ROBO2: variants seen among roughly 807,000 people sequenced by gnomAD.
ROBO2 encodes roundabout homolog 2.
A neutral mutation model predicts 160.8 loss-of-function variants in ROBO2; 53 were observed. The ratio of observed to expected loss-of-function variants is 0.33; its 90% CI spans 0.26 to 0.41. The LOEUF is 0.41. Ranked by LOEUF, ROBO2 falls within the 10% of genes least tolerant of loss-of-function variation. The pLI is 1.00. For synonymous variants in ROBO2, 664 were observed against 611.7 expected (o/e 1.09, Z -1.26); for missense variants, 1,577 against 1,722.4 (o/e 0.92, Z 1.49).
At chr3:77,317,329 C>T in intron 2 of ROBO2, 1 of 771,322 alleles carries the variant, frequency 1.3e-6, no homozygotes. Flanking sequence ...AGCCTCAGGC[C>T]ACGTGCAAGC....
chr3:76,633,194 T>A (rs891076536), intron 2 of ROBO2, among the ~76,000 whole-genome samples: 1 of 152,166 alleles, frequency 6.6e-6, no homozygotes, highest in Non-Finnish European at 1.5e-5. Context: ...ATATCAAAAT[T>A]TAAAAGAAAG....
intron 2 of ROBO2, among the ~76,000 whole-genome samples, chr3:77,020,266 C>T (rs1022051050): frequency 6.6e-6 from 1 of 152,138 alleles, no homozygotes; most frequent in Non-Finnish European, 1.5e-5. Context: ...GCAGTAAAAA[C>T]TCAGCACTGA....
At chr3:77,201,882 T>C (rs2082945059) in intron 2 of ROBO2, among the ~76,000 whole-genome samples, 1 of 152,206 alleles carries the variant, frequency 6.6e-6, no homozygotes, top group South Asian at 2.1e-4. Context: ...CTAAATATTG[T>C]TTATCTTTAG....
rs1377854643 is a variant in ROBO2, at chr3:76,119,916, C to CCCTCCCTCCCTT, written c.109+182317_109+182318insCCCTCCCTTCCT. ...CCTTCCTTCCCTTCCTTCCCTCCCTCCCTTCCTTCCTTCCTTCCTTCCTTC... is the reference window on the plus strand; with the variant it reads ...CCTTCCTTCCCTTCCTTCCCTCCCTCCCTCCCTCCCTTCCTTCCTTCCTTCCTTCCTTCCTTC... On this transcript the variant is annotated intron_variant, in intron 2 of 26. Coordinates refer to the ROBO2 transcript ENST00000487694. Among the ~76,000 whole-genome samples, 13 of 88,176 alleles carry CCCTCCCTCCCTT rather than the reference C, an allele frequency of 1.5e-4. No homozygotes were observed. In the East Asian group the frequency reaches 2.4e-3, roughly 16 times the overall value. 57.8% of individuals were successfully genotyped at this position (88,176 alleles called of 152,430 possible).
intron 2 of ROBO2, among the ~76,000 whole-genome samples, chr3:76,482,091 A>C (rs2107344414): frequency 1.3e-5 from 2 of 152,246 alleles, no homozygotes; most frequent in South Asian, 4.1e-4. Flanking sequence ...AGGAGCTGCC[A>C]GAAAACCCCT....
intron 2 of ROBO2, among the ~76,000 whole-genome samples, chr3:76,454,853 A>G (rs548296783): frequency 6.6e-6 from 1 of 152,242 alleles, no homozygotes; most frequent in Non-Finnish European, 1.5e-5. Flanking sequence ...GAAACAGCAC[A>G]TATTTATTTC....
At chr3:77,500,335 G>A (rs1288835069) in intron 5 of ROBO2, among the ~76,000 whole-genome samples, 1 of 152,114 alleles carries the variant, frequency 6.6e-6, no homozygotes, top group Non-Finnish European at 1.5e-5. Flanking sequence ...AGGTTTTTAA[G>A]GCCACATATT....
At chr3:76,903,106 T>G (rs983727801) in intron 2 of ROBO2, among the ~76,000 whole-genome samples, 1 of 152,120 alleles carries the variant, frequency 6.6e-6, no homozygotes, top group Non-Finnish European at 1.5e-5. Context: ...AGTTTTCTTA[T>G]TGATTAATAT....
chr3:76,407,578 A>G (rs991286893), intron 2 of ROBO2, among the ~76,000 whole-genome samples: 1 of 152,038 alleles, frequency 6.6e-6, no homozygotes, highest in South Asian at 2.1e-4. Flanking sequence ...CACGTTTCTG[A>G]TGAGAGCCAT....
intron 2 of ROBO2, among the ~76,000 whole-genome samples, chr3:76,781,469 A>G (rs2062640603): frequency 6.6e-6 from 1 of 150,688 alleles, no homozygotes; most frequent in East Asian, 2.0e-4. Context: ...CAAGAGTGGC[A>G]TTCTTATCTT....
intron 2 of ROBO2, among the ~76,000 whole-genome samples, chr3:76,224,618 G>C (rs1368537069): frequency 1.3e-5 from 2 of 152,142 alleles, no homozygotes; most frequent in Non-Finnish European, 2.9e-5. Context: ...CCAGCTATTG[G>C]AGCATCTCTT....
chr3:76,297,252 C>G (rs1709120791), intron 2 of ROBO2, among the ~76,000 whole-genome samples: 1 of 152,170 alleles, frequency 6.6e-6, no homozygotes, highest in South Asian at 2.1e-4. Context: ...TTTCAAGTCA[C>G]TTTGCCTCTC....
At chr3:76,435,210 A>G (rs368553047) in intron 2 of ROBO2, 240 of 1,465,968 alleles carry the variant, frequency 1.6e-4, no homozygotes, top group Middle Eastern at 1.4e-3. Context: ...GGTAATGGGT[A>G]AAGTGCCAAC....
rs2153437066 is a variant in ROBO2, at chr3:77,326,519, T to A, written c.389-150895T>A. ...CATTTATATTTTGTATATCCATTGA[T>A]CTTGTTTTGTGTTGTTTAAAAGTAT... On this transcript the variant is annotated intron_variant, in intron 2 of 25. Transcript: ENST00000461745. Among the ~76,000 whole-genome samples the A allele has an allele frequency of 2.0e-5, 3 of 152,362 alleles. No individual in the cohort carries two copies. The South Asian group carries it at 6.2e-4, about 32-fold the overall frequency.
At chr3:76,141,145 CTCTCTCTCTCTCTCTA>C (rs1178610053) in intron 2 of ROBO2, among the ~76,000 whole-genome samples, 23 of 59,282 alleles carry the variant, frequency 3.9e-4, no homozygotes, top group Non-Finnish European at 5.5e-4. Context: ...CTCTCTCTCT[CTCTCTCTCTCTCTCTA>C]TATATATATA....
At chr3:77,459,367 AT>A (rs1255844124) in intron 2 of ROBO2, among the ~76,000 whole-genome samples, 1 of 152,160 alleles carries the variant, frequency 6.6e-6, no homozygotes, top group Non-Finnish European at 1.5e-5. Flanking sequence ...AATTAACTAT[AT>A]CCGGTTTAGT....
intron 2 of ROBO2, among the ~76,000 whole-genome samples, chr3:76,604,619 T>A (rs2087493413): frequency 6.6e-6 from 1 of 152,176 alleles, no homozygotes; most frequent in Non-Finnish European, 1.5e-5. Flanking sequence ...AACATTTTAA[T>A]AGAAATATTT....
At position 76,005,656 on chromosome 3, in the gene ROBO2, C is replaced by T. The variant is rs143326439; in HGVS notation, c.109+68054C>T. Reference sequence around the variant, plus strand: ...ATAATTTCCTCTCTATATAGATACCCCTAATTCAGGCTTCAGGGGCTAATA... The same window carrying T: ...ATAATTTCCTCTCTATATAGATACCTCTAATTCAGGCTTCAGGGGCTAATA... On this transcript the variant is annotated intron_variant, in intron 2 of 26. Transcript: ENST00000487694. Among the ~76,000 whole-genome samples the T allele has an allele frequency of 4.8e-4, 73 of 152,214 alleles. No individual in the cohort carries two copies. The East Asian group carries it at 0.014, about 29-fold the overall frequency.
At chr3:75,946,071 T>G (rs1211083613) in intron 2 of ROBO2, among the ~76,000 whole-genome samples, 3 of 152,118 alleles carry the variant, frequency 2.0e-5, no homozygotes, top group Admixed American at 2.0e-4. Flanking sequence ...GGAAAGACGG[T>G]GTTTCCTTCT....
Sources: gnomAD v4.1 joint callset for allele counts (sites outside exome capture counted in the v4.1 genomes callset) on GRCh38, gnomAD v4.1.1 for gene constraint, MANE v1.5 for transcripts, NCBI Gene and HGNC (gene_info 2026-07-23, HGNC 2026-07-21) for gene names.